Variants in GAB1 observed in about 807,000 individuals in gnomAD.
The protein encoded by GAB1 is GRB2 associated binding protein 1.
A neutral mutation model predicts 66.5 loss-of-function variants in GAB1; 19 were observed. That is an observed-to-expected ratio of 0.29 (90% CI 0.20 to 0.42). GAB1 has a LOEUF of 0.42. Among genes scored for constraint, GAB1 ranks in the 10% least tolerant of loss-of-function variants. GAB1 has a pLI of 1.00. For synonymous variants in GAB1, 294 were observed against 301.4 expected, an observed-to-expected ratio of 0.98 and a Z score of 0.25; for missense variants, 732 against 858.5, an observed-to-expected ratio of 0.85 and a Z score of 1.84.
intron 1 of GAB1, among the ~76,000 whole-genome samples, chr4:143,407,263 CT>C (rs138480643): frequency 0.047 from 6,730 of 143,204 alleles, 184 homozygotes; most frequent in South Asian, 0.092. Flanking sequence ...TTTGTCATTG[CT>C]TTTTTTTTTT....
chr4:143,371,577 G>T (rs959345028), intron 1 of GAB1, among the ~76,000 whole-genome samples: 20 of 152,058 alleles, frequency 1.3e-4, no homozygotes, highest in African/African-American at 3.4e-4. Flanking sequence ...GTCAATTTTG[G>T]CTTTTGTTGC....
intron 6 of GAB1, among the ~76,000 whole-genome samples, chr4:143,441,120 A>C (rs1193593685): frequency 6.6e-6 from 1 of 152,120 alleles, no homozygotes; most frequent in African/African-American, 2.4e-5. Flanking sequence ...CATAAGTAAC[A>C]TTAAGTTCTA....
At chr4:143,418,562 A>G (rs1201444435) in intron 2 of GAB1, among the ~76,000 whole-genome samples, 2 of 152,174 alleles carry the variant, frequency 1.3e-5, no homozygotes, top group African/African-American at 2.4e-5. Flanking sequence ...TCCTTTGCCT[A>G]TTGCCTTTTC....
At chr4:143,394,217 T>A (rs1417510067) in intron 1 of GAB1, among the ~76,000 whole-genome samples, 1 of 152,120 alleles carries the variant, frequency 6.6e-6, no homozygotes, top group Admixed American at 6.5e-5. Context: ...GATGTTGCAG[T>A]GAGCCGAGAT....
intron 3 of GAB1, among the ~76,000 whole-genome samples, chr4:143,437,720 T>G (rs1343283125): frequency 6.6e-6 from 1 of 152,174 alleles, no homozygotes; most frequent in Non-Finnish European, 1.5e-5. Flanking sequence ...CTTCAGGGAT[T>G]GTGTTTTTAT....
At chr4:143,421,308 T>A (rs1253503406) in intron 2 of GAB1, among the ~76,000 whole-genome samples, 1 of 152,118 alleles carries the variant, frequency 6.6e-6, no homozygotes, top group Non-Finnish European at 1.5e-5. Flanking sequence ...TAGTGTTGAT[T>A]GATGTTTGGG....
intron 6 of GAB1, among the ~76,000 whole-genome samples, chr4:143,448,711 A>G (rs1427768085): frequency 2.6e-5 from 4 of 151,622 alleles, no homozygotes; most frequent in Admixed American, 1.3e-4. Context: ...CTAGCAGTCT[A>G]TCAATTTTGT....
chr4:143,431,811 A>G (rs1263892767), intron 2 of GAB1, among the ~76,000 whole-genome samples: 5 of 152,194 alleles, frequency 3.3e-5, no homozygotes, highest in Non-Finnish European at 7.3e-5. Context: ...ATACAGAAAG[A>G]CATGCAAAGC....
At chr4:143,416,394 C>T (rs1302854574) in intron 2 of GAB1, among the ~76,000 whole-genome samples, 1 of 152,010 alleles carries the variant, frequency 6.6e-6, no homozygotes, top group East Asian at 1.9e-4. Flanking sequence ...GGCGACAGAG[C>T]GAGACTCCGT....
At chr4:143,456,712 G>GCTAGAT (rs974346184) in intron 6 of GAB1, among the ~76,000 whole-genome samples, 1 of 152,188 alleles carries the variant, frequency 6.6e-6, no homozygotes, top group Non-Finnish European at 1.5e-5. Context: ...TAGGTAAGGT[G>GCTAGAT]CTAGATATCA....
intron 1 of GAB1, among the ~76,000 whole-genome samples, chr4:143,364,885 T>C (rs987645257): frequency 3.5e-5 from 5 of 143,020 alleles, no homozygotes; most frequent in Admixed American, 2.8e-4. Context: ...TTTTTTTTTT[T>C]TTTTTTTTTG....
At chr4:143,393,916 G>T (rs751814660) in intron 1 of GAB1, among the ~76,000 whole-genome samples, 20 of 152,104 alleles carry the variant, frequency 1.3e-4, no homozygotes, top group Non-Finnish European at 2.6e-4. Context: ...AGCATAAGAA[G>T]AAATAAAGTG....
intron 1 of GAB1, among the ~76,000 whole-genome samples, chr4:143,401,459 T>C (rs1020885371): frequency 3.3e-5 from 5 of 152,180 alleles, no homozygotes; most frequent in African/African-American, 1.2e-4. Flanking sequence ...AGAACATTCA[T>C]TGAGTGATAA....
At chr4:143,384,090 G>C (rs921599455) in intron 1 of GAB1, among the ~76,000 whole-genome samples, 49 of 152,060 alleles carry the variant, frequency 3.2e-4, no homozygotes, top group African/African-American at 1.1e-3. Flanking sequence ...AAAAAAAAAA[G>C]ATATGTGAAA....
Position 143,369,508 on chromosome 4 carries a change from G to T in GAB1, c.72+32248G>T, listed in dbSNP as rs78735461. Among the ~76,000 whole-genome samples the T allele has an allele frequency of 1.7e-3, 256 of 152,322 alleles. 2 individuals carry two copies. The highest frequency in any genetic ancestry group is 6.0e-3 in the African/African-American group (248 of 41,562). On this transcript the variant is annotated intron_variant, in intron 1 of 9. Coordinates refer to ENST00000262994, the MANE Select transcript of GAB1 (RefSeq NM_002039.4). ...AATCAATGCAGGATGAAAATATCCT[G>T]TTGCTCTAGTAATTCCCACAGAAGG...
rs570465515 is a variant in GAB1, at chr4:143,438,725, C to G, written c.1195+125C>G. On this transcript the variant is annotated intron_variant, in intron 4 of 9. Coordinates refer to ENST00000262994, the MANE Select transcript of GAB1 (RefSeq NM_002039.4). The stretch of plus-strand genomic sequence containing the variant: ...CAAAATACAGTCCATTTTTTTCCAG[C>G]TCTACAGCTACCTGGAAGGGTATAT... 86 of 959,060 alleles carry G rather than the reference C, an allele frequency of 9.0e-5. 3 individuals carry two copies. In the South Asian group the frequency reaches 1.4e-3, roughly 16 times the overall value. 59.4% of individuals were successfully genotyped at this position (959,060 alleles called of 1,614,324 possible). A position where few individuals can be genotyped will look rare whatever the true frequency, so the allele number is the denominator to read the frequency against.
chr4:143,440,729 G>A (rs972095993), intron 6 of GAB1, among the ~76,000 whole-genome samples: 2 of 152,156 alleles, frequency 1.3e-5, no homozygotes, highest in African/African-American at 4.8e-5. Flanking sequence ...ATCCTTTGTT[G>A]ACTTGTGAAA....
chr4:143,417,174 G>A (rs1424982703), intron 2 of GAB1, among the ~76,000 whole-genome samples: 1 of 152,172 alleles, frequency 6.6e-6, no homozygotes, highest in Non-Finnish European at 1.5e-5. Context: ...TGAAAGGAGG[G>A]ACGCAGAACC....
intron 1 of GAB1, among the ~76,000 whole-genome samples, chr4:143,357,105 C>T (rs950811717): frequency 6.6e-6 from 1 of 152,092 alleles, no homozygotes; most frequent in Admixed American, 6.6e-5. Context: ...AGTCCTGAAG[C>T]TCTTTCTGTG....
Sources: gnomAD v4.1 joint callset for allele counts (sites outside exome capture counted in the v4.1 genomes callset) on GRCh38, gnomAD v4.1.1 for gene constraint, MANE v1.5 for transcripts, NCBI Gene and HGNC (gene_info 2026-07-23, HGNC 2026-07-21) for gene names.